The following IL1RAPL1 variants were observed in gnomAD, a reference collection of about 807,000 sequenced individuals.
IL1RAPL1 encodes the protein interleukin-1 receptor accessory protein-like 1.
IL1RAPL1 carries 3 observed loss-of-function variants against 48.4 expected under a neutral mutation model. The observed-to-expected ratio is 0.06, with a 90% confidence interval of 0.03 to 0.16. The LOEUF (loss-of-function observed/expected upper bound fraction) is 0.16. Among genes scored for constraint, IL1RAPL1 ranks in the 10% least tolerant of loss-of-function variants. The probability of loss-of-function intolerance (pLI) is 1.00; values close to 1 mark genes in which losing one functional copy is unlikely to be tolerated. For missense variants in IL1RAPL1, 349 were observed against 530.6 expected (o/e 0.66, Z 3.36); for synonymous variants, 185 against 187.7 (o/e 0.99, Z 0.12).
intron 8 of IL1RAPL1, among the ~76,000 whole-genome samples, chrX:29,938,130 C>A (rs1933063345): frequency 9.0e-6 from 1 of 111,042 alleles, no homozygotes; most frequent in Admixed American, 9.6e-5. Context: ...TTAAATGGCT[C>A]GTGACATGTA....
chrX:28,767,493 A>C (rs1195927336), intron 1 of IL1RAPL1, among the ~76,000 whole-genome samples: 1 of 111,008 alleles, frequency 9.0e-6, no homozygotes, highest in African/African-American at 3.3e-5. Flanking sequence ...GACCTACCAG[A>C]GGAGAAGTAG....
chrX:29,866,991 T>C (rs979147477), intron 6 of IL1RAPL1, among the ~76,000 whole-genome samples: 1 of 111,004 alleles, frequency 9.0e-6, no homozygotes, highest in African/African-American at 3.3e-5. Flanking sequence ...CTCCCAACAA[T>C]CCTATAAGGT....
intron 5 of IL1RAPL1, among the ~76,000 whole-genome samples, chrX:29,629,365 T>C (rs1276976249): frequency 9.0e-6 from 1 of 111,547 alleles, no homozygotes. Context: ...AGTTTTTTTT[T>C]TTAATTAACA....
intron 5 of IL1RAPL1, among the ~76,000 whole-genome samples, chrX:29,447,302 G>A (rs1934623780): frequency 9.2e-6 from 1 of 109,052 alleles, no homozygotes; most frequent in Non-Finnish European, 1.9e-5. Context: ...CTTTCACATT[G>A]AGGTAATTAT....
At chrX:29,826,769 G>C (rs1174939957) in intron 6 of IL1RAPL1, among the ~76,000 whole-genome samples, 1 of 111,805 alleles carries the variant, frequency 8.9e-6, no homozygotes, top group East Asian at 2.8e-4. Flanking sequence ...ACTACATTTT[G>C]TTTATTCATT....
intron 6 of IL1RAPL1, among the ~76,000 whole-genome samples, chrX:29,837,302 C>T (rs5927257): frequency 0.22 from 11,408 of 50,877 alleles, 1,306 homozygotes; most frequent in Non-Finnish European, 0.26. Context: ...TATATATATA[C>T]ACACACACAC....
chrX:28,986,203 A>G (rs1192890590), intron 2 of IL1RAPL1, among the ~76,000 whole-genome samples: 2 of 111,997 alleles, frequency 1.8e-5, no homozygotes. Flanking sequence ...AGTTGTGCCT[A>G]AAAGATGAGA....
chrX:29,300,135 C>T (rs1282164113), intron 3 of IL1RAPL1, among the ~76,000 whole-genome samples: 1 of 111,994 alleles, frequency 8.9e-6, no homozygotes, highest in Non-Finnish European at 1.9e-5. Context: ...AAATAAGCAT[C>T]GCTTCTTTAC....
At chrX:29,208,120 T>C (rs1930699146) in intron 2 of IL1RAPL1, among the ~76,000 whole-genome samples, 1 of 111,529 alleles carries the variant, frequency 9.0e-6, no homozygotes, top group African/African-American at 3.3e-5. Context: ...CAAGAGTAGA[T>C]ACGGTATGAG....
At chrX:29,860,751 G>A (rs945775831) in intron 6 of IL1RAPL1, among the ~76,000 whole-genome samples, 1 of 112,085 alleles carries the variant, frequency 8.9e-6, no homozygotes, top group African/African-American at 3.2e-5. Context: ...TCTTTATCCA[G>A]TCTATCATTG....
At chrX:29,882,775 AT>A (rs1417647343) in intron 6 of IL1RAPL1, among the ~76,000 whole-genome samples, 1 of 112,074 alleles carries the variant, frequency 8.9e-6, no homozygotes, top group Non-Finnish European at 1.9e-5. Flanking sequence ...ATTAAATGTT[AT>A]TAGTTCTGTG....
At chrX:29,253,794 A>G (rs1474418366) in intron 2 of IL1RAPL1, among the ~76,000 whole-genome samples, 2 of 111,183 alleles carry the variant, frequency 1.8e-5, no homozygotes, top group Non-Finnish European at 3.8e-5. Flanking sequence ...GAAAACCCAG[A>G]TGAAAGAAAC....
intron 6 of IL1RAPL1, among the ~76,000 whole-genome samples, chrX:29,708,876 A>T (rs1239594518): frequency 8.9e-6 from 1 of 112,297 alleles, no homozygotes; most frequent in African/African-American, 3.2e-5. Context: ...ACTTGCCAAC[A>T]CTTGTTATCA....
chrX:28,796,787 C>T (rs1204249205), intron 2 of IL1RAPL1, among the ~76,000 whole-genome samples: 2 of 111,392 alleles, frequency 1.8e-5, no homozygotes, highest in African/African-American at 6.5e-5. Context: ...ATGGTGGCCC[C>T]CTTCTTACAG....
At chrX:28,632,285 T>G (rs1934410229) in intron 1 of IL1RAPL1, among the ~76,000 whole-genome samples, 2 of 111,553 alleles carry the variant, frequency 1.8e-5, no homozygotes, top group Admixed American at 9.6e-5. Context: ...TGTGCATCCT[T>G]TGGTATCTCT....
At chrX:29,263,538 A>G (rs183311527) in intron 2 of IL1RAPL1, among the ~76,000 whole-genome samples, 89 of 112,268 alleles carry the variant, frequency 7.9e-4, no homozygotes, top group Non-Finnish European at 1.2e-3. Flanking sequence ...ACTGTGCTTA[A>G]GTATATCCAG....
intron 1 of IL1RAPL1, among the ~76,000 whole-genome samples, chrX:28,619,717 G>A (rs960469261): frequency 2.6e-4 from 29 of 110,577 alleles, no homozygotes; most frequent in East Asian, 5.6e-4. Context: ...GATTGTGTAC[G>A]TTTGCTTCTC....
At chrX:28,863,815 A>G (rs1332589069) in intron 2 of IL1RAPL1, among the ~76,000 whole-genome samples, 1 of 111,790 alleles carries the variant, frequency 8.9e-6, no homozygotes, top group African/African-American at 3.2e-5. Flanking sequence ...GAATAGATTC[A>G]ATAATATATG....
At chrX:28,839,718 T>C (rs1475639525) in intron 2 of IL1RAPL1, among the ~76,000 whole-genome samples, 1 of 110,542 alleles carries the variant, frequency 9.0e-6, no homozygotes, top group Non-Finnish European at 1.9e-5. Context: ...TTTATGACTA[T>C]TTAAATGGGA....
Sources: allele counts gnomAD v4.1 joint callset (sites outside exome capture counted in the v4.1 genomes callset), GRCh38; gene constraint gnomAD v4.1.1; transcripts MANE v1.5; gene names NCBI Gene and HGNC (gene_info 2026-07-23, HGNC 2026-07-21).